The following EBF1 variants were observed in gnomAD, a reference collection of about 807,000 sequenced individuals.
EBF1 encodes EBF transcription factor 1.
Under a neutral mutation model 68.4 loss-of-function variants are expected in EBF1, and 10 were observed. That is an observed-to-expected ratio of 0.15 (90% confidence interval 0.09 to 0.25). The LOEUF (loss-of-function observed/expected upper bound fraction) is 0.25. Ranked by LOEUF, EBF1 falls within the 10% of genes least tolerant of loss-of-function variation. The probability of loss-of-function intolerance (pLI) is 1.00; values close to 1 mark genes in which losing one functional copy is unlikely to be tolerated. For missense variants in EBF1, 509 were observed against 794.4 expected (o/e 0.64, Z 4.32); for synonymous variants, 298 against 299.8 (o/e 0.99, Z 0.06).
chr5:158,869,188 G>C (rs1267977945), intron 6 of EBF1, among the ~76,000 whole-genome samples: 1 of 152,168 alleles, frequency 6.6e-6, no homozygotes, highest in African/African-American at 2.4e-5. Flanking sequence ...GCAGAATGCT[G>C]TCTGCTCTGG....
At chr5:158,981,170 C>G (rs960469775) in intron 6 of EBF1, among the ~76,000 whole-genome samples, 1 of 149,700 alleles carries the variant, frequency 6.7e-6, no homozygotes, top group African/African-American at 2.4e-5. Flanking sequence ...AAAAAAAAAA[C>G]TGACTATAAT....
At chr5:158,942,161 A>G (rs1222757745) in intron 6 of EBF1, among the ~76,000 whole-genome samples, 1 of 152,242 alleles carries the variant, frequency 6.6e-6, no homozygotes, top group Non-Finnish European at 1.5e-5. Context: ...AAATATATAC[A>G]CAGTACTTAT....
At chr5:158,863,922 T>C (rs1795402223) in intron 6 of EBF1, among the ~76,000 whole-genome samples, 1 of 152,080 alleles carries the variant, frequency 6.6e-6, no homozygotes, top group African/African-American at 2.4e-5. Flanking sequence ...ACAGAGTTAC[T>C]GAGGGGGTAA....
At chr5:159,048,822 C>T (rs956905459) in intron 6 of EBF1, among the ~76,000 whole-genome samples, 2 of 152,196 alleles carry the variant, frequency 1.3e-5, no homozygotes, top group Non-Finnish European at 2.9e-5. Context: ...CTGATGAATT[C>T]CACACCAAAA....
chr5:159,078,865 C>T (rs1355452200), intron 5 of EBF1, among the ~76,000 whole-genome samples: 2 of 152,116 alleles, frequency 1.3e-5, no homozygotes, highest in Non-Finnish European at 2.9e-5. Flanking sequence ...ACACAGGTGG[C>T]GTATTTCTAG....
intron 6 of EBF1, among the ~76,000 whole-genome samples, chr5:159,060,274 T>C (rs1775545835): frequency 6.6e-6 from 1 of 152,210 alleles, no homozygotes; most frequent in African/African-American, 2.4e-5. Flanking sequence ...ATCGTTATCC[T>C]TTCTTCAAAG....
intron 6 of EBF1, among the ~76,000 whole-genome samples, chr5:159,008,505 TTTC>T (rs1763999203): frequency 6.6e-6 from 1 of 150,804 alleles, no homozygotes; most frequent in African/African-American, 2.4e-5. Context: ...TTTTAAACGT[TTTC>T]TTTTCTTTTT....
intron 6 of EBF1, among the ~76,000 whole-genome samples, chr5:158,921,256 AATTCTATACAGC>A (rs1326107886): frequency 1.3e-5 from 2 of 152,156 alleles, no homozygotes; most frequent in African/African-American, 4.8e-5. Context: ...AGCCAGCACA[AATTCTATACAGC>A]TTGCCTAAAT....
At chr5:159,074,485 T>TAC (rs985416082) in intron 5 of EBF1, among the ~76,000 whole-genome samples, 11 of 152,188 alleles carry the variant, frequency 7.2e-5, no homozygotes, top group African/African-American at 2.7e-4. Flanking sequence ...TTCTTGCTCT[T>TAC]ACACACACAC....
intron 6 of EBF1, among the ~76,000 whole-genome samples, chr5:158,849,280 T>G (rs1420440372): frequency 6.6e-6 from 1 of 152,160 alleles, no homozygotes; most frequent in Non-Finnish European, 1.5e-5. Flanking sequence ...GCTCTCCTAC[T>G]CTTCACTTTT....
chr5:158,848,078 G>A (rs548386978), intron 6 of EBF1, among the ~76,000 whole-genome samples: 61 of 152,170 alleles, frequency 4.0e-4, no homozygotes, highest in East Asian at 1.3e-3. Flanking sequence ...GTGTAAGGCC[G>A]TGTCCTGAGT....
intron 6 of EBF1, among the ~76,000 whole-genome samples, chr5:158,975,827 C>T (rs995785086): frequency 1.6e-4 from 24 of 152,192 alleles, no homozygotes; most frequent in African/African-American, 5.3e-4. Context: ...TTGGCTTCCT[C>T]AAAAACTTTA....
At chr5:158,934,114 G>T (rs908719061) in intron 6 of EBF1, among the ~76,000 whole-genome samples, 4 of 152,164 alleles carry the variant, frequency 2.6e-5, no homozygotes, top group Non-Finnish European at 5.9e-5. Context: ...TGAGAATGGT[G>T]TGTGTGTGTT....
chr5:158,707,368 T>C (rs964732766), intron 15 of EBF1, among the ~76,000 whole-genome samples: 4 of 152,188 alleles, frequency 2.6e-5, no homozygotes, highest in Admixed American at 1.3e-4. Context: ...GGGAAAGCGA[T>C]TGAACAATTT....
intron 11 of EBF1, among the ~76,000 whole-genome samples, chr5:158,728,065 G>A (rs925410534): frequency 6.6e-6 from 1 of 152,150 alleles, no homozygotes; most frequent in African/African-American, 2.4e-5. Context: ...GAAAGGCGCA[G>A]CCCATTTTTA....
At chr5:158,760,594 A>C (rs1771206645) in intron 10 of EBF1, among the ~76,000 whole-genome samples, 1 of 152,110 alleles carries the variant, frequency 6.6e-6, no homozygotes, top group Non-Finnish European at 1.5e-5. Flanking sequence ...CCCAGCCGCA[A>C]CTATTCCAAC....
At chr5:158,824,060 G>A (rs1446209986) in intron 7 of EBF1, among the ~76,000 whole-genome samples, 1 of 152,132 alleles carries the variant, frequency 6.6e-6, no homozygotes, top group Non-Finnish European at 1.5e-5. Context: ...AGAGAACTTT[G>A]ACTAAAACAA....
chr5:158,981,735 G>C (rs1374338475), intron 6 of EBF1, among the ~76,000 whole-genome samples: 1 of 152,048 alleles, frequency 6.6e-6, no homozygotes, highest in Non-Finnish European at 1.5e-5. Context: ...TAATCCACAA[G>C]CTCCTAACAA....
intron 6 of EBF1, among the ~76,000 whole-genome samples, chr5:159,033,929 G>A (rs966401702): frequency 6.6e-6 from 1 of 152,072 alleles, no homozygotes; most frequent in African/African-American, 2.4e-5. Context: ...ATGTAATAGG[G>A]TAAGCTTTCC....
Sources: gnomAD v4.1 joint callset for allele counts (sites outside exome capture counted in the v4.1 genomes callset) on GRCh38, gnomAD v4.1.1 for gene constraint, MANE v1.5 for transcripts, NCBI Gene and HGNC (gene_info 2026-07-23, HGNC 2026-07-21) for gene names.